The following ACTR3C variants were observed in gnomAD, a reference collection of about 807,000 sequenced individuals.
The protein encoded by ACTR3C is actin-related protein 3C.
Under a neutral mutation model 26.3 loss-of-function variants are expected in ACTR3C, and 18 were observed. The ratio of observed to expected loss-of-function variants is 0.68; its 90% CI spans 0.47 to 1.01. ACTR3C has a LOEUF of 1.01. Ranked by LOEUF, ACTR3C falls within the 50% of genes least tolerant of loss-of-function variation. ACTR3C has a pLI of 0.00. For missense variants in ACTR3C, 184 were observed against 250.7 expected (o/e 0.73, Z 1.80); for synonymous variants, 55 against 94.5 (o/e 0.58, Z 2.42).
At chr7:150,151,070 TA>T in the ACTR3C span, among the ~76,000 whole-genome samples, 15 of 106,488 alleles carry the variant, frequency 1.4e-4, 3 homozygotes, top group Non-Finnish European at 5.7e-5. Flanking sequence ...TCCTTCTAAT[TA>T]TTTTTTGGCT....
At chr7:150,055,012 T>C in the ACTR3C span, among the ~76,000 whole-genome samples, 5 of 152,234 alleles carry the variant, frequency 3.3e-5, no homozygotes. Context: ...GGAGCACTGC[T>C]AGTCTTACTA....
chr7:150,190,525 T>A, the ACTR3C span, among the ~76,000 whole-genome samples: 6,833 of 152,274 alleles, frequency 0.045, 358 homozygotes, highest in East Asian at 0.16. Flanking sequence ...CTATAATTTT[T>A]AATTAGTATT....
At chr7:150,292,648 C>T (rs932382299) in intron 3 of ACTR3C, among the ~76,000 whole-genome samples, 3 of 152,110 alleles carry the variant, frequency 2.0e-5, no homozygotes, top group Non-Finnish European at 4.4e-5. Context: ...CAGGCATGCG[C>T]CACCACACCT....
the ACTR3C span, among the ~76,000 whole-genome samples, chr7:150,207,336 G>A: frequency 4.6e-5 from 7 of 152,044 alleles, no homozygotes; most frequent in Non-Finnish European, 7.4e-5. Context: ...TGCCTTGTTT[G>A]TGCACACACA....
chr7:149,983,449 G>GTGTGTGTGTGTGTGTGTATATATA, the ACTR3C span, among the ~76,000 whole-genome samples: 6 of 23,324 alleles, frequency 2.6e-4, no homozygotes, highest in African/African-American at 8.7e-4. Context: ...GTGTGTGTGT[G>GTGTGTGTGTGTGTGTGTATATATA]TATATATATA....
the ACTR3C span, among the ~76,000 whole-genome samples, chr7:150,152,816 A>G: frequency 6.6e-6 from 1 of 151,976 alleles, no homozygotes; most frequent in Non-Finnish European, 1.5e-5. Context: ...ACAATTTCAG[A>G]GCCTGTTATT....
the ACTR3C span, among the ~76,000 whole-genome samples, chr7:150,042,513 C>CA: frequency 7.1e-6 from 1 of 141,134 alleles, no homozygotes; most frequent in South Asian, 2.2e-4. Flanking sequence ...TTGCCTCGCC[C>CA]CCTGCGATAG....
the ACTR3C span, among the ~76,000 whole-genome samples, chr7:149,929,131 C>A: frequency 4.6e-5 from 7 of 152,090 alleles, no homozygotes; most frequent in African/African-American, 1.4e-4. Context: ...GTAATTCAGG[C>A]AAGAATCACC....
the ACTR3C span, among the ~76,000 whole-genome samples, chr7:150,170,213 G>A: frequency 9.3e-5 from 14 of 150,192 alleles, 1 homozygote; most frequent in African/African-American, 2.0e-4. Context: ...TTGTCATGTG[G>A]GCCCCTCCAC....
intron 1 of ACTR3C, among the ~76,000 whole-genome samples, chr7:150,313,373 G>T (rs1796498614): frequency 6.6e-6 from 1 of 152,198 alleles, no homozygotes; most frequent in Non-Finnish European, 1.5e-5. Flanking sequence ...TTGGCAATCG[G>T]TTGAAAGGGA....
intron 1 of ACTR3C, chr7:150,302,873 G>A (rs1459405006): frequency 2.6e-5 from 4 of 152,192 alleles, no homozygotes; most frequent in East Asian, 1.9e-4. Context: ...AGCAGGAGAC[G>A]CAGCACATCT....
chr7:149,938,323 G>A, the ACTR3C span, among the ~76,000 whole-genome samples: 5 of 152,120 alleles, frequency 3.3e-5, no homozygotes, highest in South Asian at 2.1e-4. Context: ...ATGAATAAAC[G>A]TTTAAAATTA....
At chr7:150,210,612 T>G in the ACTR3C span, among the ~76,000 whole-genome samples, 3 of 148,106 alleles carry the variant, frequency 2.0e-5, no homozygotes, top group Admixed American at 6.6e-5. Context: ...TTAGTGAAAG[T>G]TGTCAGACTA....
At chr7:150,150,013 C>A in the ACTR3C span, among the ~76,000 whole-genome samples, 1 of 152,142 alleles carries the variant, frequency 6.6e-6, no homozygotes, top group Non-Finnish European at 1.5e-5. Context: ...TGAAATGCAC[C>A]TGCTGCCTGG....
At chr7:150,113,627 C>T in the ACTR3C span, among the ~76,000 whole-genome samples, 15 of 152,170 alleles carry the variant, frequency 9.9e-5, no homozygotes, top group East Asian at 7.7e-4. Flanking sequence ...GAGAGTTCTT[C>T]GGTTTAATCA....
the ACTR3C span, among the ~76,000 whole-genome samples, chr7:150,184,559 A>T: frequency 6.7e-6 from 1 of 150,144 alleles, no homozygotes; most frequent in South Asian, 2.1e-4. Context: ...TGGTACACAT[A>T]AACAGCTCCA....
chr7:150,100,827 C>G, the ACTR3C span, among the ~76,000 whole-genome samples: 1 of 151,336 alleles, frequency 6.6e-6, no homozygotes. Flanking sequence ...ACCTCACCCT[C>G]CCAATTAGCT....
the ACTR3C span, among the ~76,000 whole-genome samples, chr7:150,146,349 A>G: frequency 6.6e-6 from 1 of 152,204 alleles, no homozygotes; most frequent in Admixed American, 6.5e-5. Flanking sequence ...TTATTTCCCC[A>G]GTTCAAACAC....
chr7:150,316,408 A>G (rs1796887780), intron 1 of ACTR3C, among the ~76,000 whole-genome samples: 1 of 151,632 alleles, frequency 6.6e-6, no homozygotes, highest in African/African-American at 2.4e-5. Flanking sequence ...ACCAACCCCC[A>G]GCCACTACTA....
Sources: gnomAD v4.1 joint callset for allele counts (sites outside exome capture counted in the v4.1 genomes callset) on GRCh38, gnomAD v4.1.1 for gene constraint, MANE v1.5 for transcripts, NCBI Gene and HGNC (gene_info 2026-07-23, HGNC 2026-07-21) for gene names.